Variants in GLCE observed in about 807,000 individuals in gnomAD.
GLCE encodes the protein D-glucuronyl C5-epimerase.
GLCE carries 19 observed loss-of-function variants against 47.9 expected under a neutral mutation model. That is an observed-to-expected ratio of 0.40 (90% CI 0.28 to 0.58). GLCE has a LOEUF of 0.58. Among genes scored for constraint, GLCE ranks in the 20% least tolerant of loss-of-function variants. The probability of loss-of-function intolerance (pLI) is 0.48; values close to 1 mark genes in which losing one functional copy is unlikely to be tolerated. For missense variants in GLCE, 556 were observed against 743.3 expected (o/e 0.75, Z 2.93); for synonymous variants, 245 against 263.4 (o/e 0.93, Z 0.68).
chr15:69,240,283 CA>C (rs545688611), intron 2 of GLCE, among the ~76,000 whole-genome samples: 16 of 18,416 alleles, frequency 8.7e-4, no homozygotes, highest in African/African-American at 5.3e-3. Context: ...GACTCCGTCT[CA>C]AAAAAAAAAA....
chr15:69,175,654 C>T (rs2051652075), intron 1 of GLCE, among the ~76,000 whole-genome samples: 1 of 152,118 alleles, frequency 6.6e-6, no homozygotes, highest in Non-Finnish European at 1.5e-5. Context: ...AGTGGGTGTT[C>T]CAGACTTAGC....
At chr15:69,195,682 T>C (rs1014593168) in intron 1 of GLCE, among the ~76,000 whole-genome samples, 7 of 152,164 alleles carry the variant, frequency 4.6e-5, no homozygotes, top group Admixed American at 2.6e-4. Flanking sequence ...ACTAATTTAA[T>C]ATAGCCCTGG....
intron 2 of GLCE, among the ~76,000 whole-genome samples, chr15:69,253,824 A>G (rs181640469): frequency 3.3e-5 from 5 of 152,360 alleles, no homozygotes; most frequent in African/African-American, 1.2e-4. Context: ...ACAGACTGAA[A>G]TCAAACCCCT....
chr15:69,172,004 CAA>C (rs1348515653), intron 1 of GLCE, among the ~76,000 whole-genome samples: 1 of 152,104 alleles, frequency 6.6e-6, no homozygotes, highest in African/African-American at 2.4e-5. Context: ...AGGAGAATTG[CAA>C]AGATAGTCCA....
chr15:69,231,919 A>ACCT (rs1292373978), intron 2 of GLCE, among the ~76,000 whole-genome samples: 5 of 151,988 alleles, frequency 3.3e-5, no homozygotes, highest in African/African-American at 4.8e-5. Flanking sequence ...GAGCCTCCCA[A>ACCT]GCAGCTGGGA....
At chr15:69,201,065 A>G (rs2140363338) in intron 1 of GLCE, among the ~76,000 whole-genome samples, 1 of 152,042 alleles carries the variant, frequency 6.6e-6, no homozygotes, top group South Asian at 2.1e-4. Flanking sequence ...AGCTTCCAGT[A>G]TTTCCTTCTC....
chr15:69,202,681 A>G (rs1276694902), intron 1 of GLCE, among the ~76,000 whole-genome samples: 1 of 152,118 alleles, frequency 6.6e-6, no homozygotes, highest in Non-Finnish European at 1.5e-5. Context: ...TAGTCTACAC[A>G]GGCATTGATT....
intron 1 of GLCE, among the ~76,000 whole-genome samples, chr15:69,165,303 A>G (rs1449503965): frequency 6.6e-6 from 1 of 152,092 alleles, no homozygotes; most frequent in East Asian, 1.9e-4. Flanking sequence ...GCCTTTCATC[A>G]TCTGACTAAT....
intron 2 of GLCE, among the ~76,000 whole-genome samples, chr15:69,251,393 A>C (rs1283479654): frequency 6.6e-6 from 1 of 152,176 alleles, no homozygotes; most frequent in Non-Finnish European, 1.5e-5. Context: ...TCTTCTTTCA[A>C]CTAGAAAATA....
At chr15:69,173,485 A>G (rs1354128148) in intron 1 of GLCE, among the ~76,000 whole-genome samples, 1 of 152,220 alleles carries the variant, frequency 6.6e-6, no homozygotes, top group African/African-American at 2.4e-5. Context: ...GGATGGAACT[A>G]GGAACAATGA....
At chr15:69,168,160 C>T (rs1182042671) in intron 1 of GLCE, among the ~76,000 whole-genome samples, 1 of 152,042 alleles carries the variant, frequency 6.6e-6, no homozygotes, top group East Asian at 1.9e-4. Context: ...GAGCCGGACA[C>T]GGTGATGCAT....
chr15:69,180,064 G>A (rs932675648), intron 1 of GLCE, among the ~76,000 whole-genome samples: 19 of 152,066 alleles, frequency 1.2e-4, no homozygotes, highest in Non-Finnish European at 2.6e-4. Context: ...TATTAAAAAA[G>A]GATCAGAAAA....
chr15:69,175,590 A>G (rs1274198473), intron 1 of GLCE, among the ~76,000 whole-genome samples: 3 of 152,220 alleles, frequency 2.0e-5, no homozygotes, highest in Non-Finnish European at 4.4e-5. Flanking sequence ...GTTTATAGTC[A>G]TCAGCTTCAT....
intron 1 of GLCE, among the ~76,000 whole-genome samples, chr15:69,172,869 C>T (rs1257617159): frequency 6.6e-6 from 1 of 152,094 alleles, no homozygotes; most frequent in Non-Finnish European, 1.5e-5. Flanking sequence ...AAATGACAGA[C>T]TGTATTTAGA....
At chr15:69,193,397 A>C (rs962158471) in intron 1 of GLCE, among the ~76,000 whole-genome samples, 2 of 152,136 alleles carry the variant, frequency 1.3e-5, no homozygotes, top group African/African-American at 4.8e-5. Context: ...ATCTCCCTAT[A>C]AACATTGCAT....
At chr15:69,238,241 T>G (rs1024366916) in intron 2 of GLCE, among the ~76,000 whole-genome samples, 15 of 152,186 alleles carry the variant, frequency 9.9e-5, no homozygotes, top group Non-Finnish European at 2.1e-4. Context: ...GGGTAAATCT[T>G]TCTGCTCTTA....
intron 1 of GLCE, among the ~76,000 whole-genome samples, chr15:69,198,983 A>G (rs146818567): frequency 0.012 from 1,834 of 152,168 alleles, 35 homozygotes; most frequent in African/African-American, 0.041. Flanking sequence ...CGGTCCCCAA[A>G]CTCTAGAACT....
chr15:69,245,690 T>G (rs944721806), intron 2 of GLCE, among the ~76,000 whole-genome samples: 1 of 152,150 alleles, frequency 6.6e-6, no homozygotes, highest in Non-Finnish European at 1.5e-5. Flanking sequence ...TGACTAAGTT[T>G]ATGTGATATT....
In GLCE at chr15:69,166,951, C is replaced by A. The variant is rs542646393; in HGVS notation, c.-105+6194C>A. Among the ~76,000 whole-genome samples, 3 of 146,200 alleles carry A rather than the reference C, an allele frequency of 2.1e-5. No homozygotes were observed. The South Asian group carries it at 6.7e-4, about 32-fold the overall frequency. On this transcript the variant is annotated intron_variant, in intron 1 of 4. Coordinates refer to ENST00000261858, the MANE Select transcript of GLCE (RefSeq NM_015554.3). ...AAAAAAAAGGCCGGGTGCGATGGCT[C>A]ACACTTGTGATCCCAGCACTTTGGG...
Sources: allele counts gnomAD v4.1 joint callset (sites outside exome capture counted in the v4.1 genomes callset), GRCh38; gene constraint gnomAD v4.1.1; transcripts MANE v1.5; gene names NCBI Gene and HGNC (gene_info 2026-07-23, HGNC 2026-07-21).